TULP4: variants seen among roughly 807,000 people sequenced by gnomAD.
TULP4 encodes TUB like protein 4.
A neutral mutation model predicts 129.0 loss-of-function variants in TULP4; 16 were observed. The ratio of observed to expected loss-of-function variants is 0.12; its 90% confidence interval spans 0.08 to 0.19. The LOEUF is 0.19. Ranked by LOEUF, TULP4 falls within the 10% of genes least tolerant of loss-of-function variation. TULP4 has a pLI of 1.00. For missense variants in TULP4, 1,842 were observed against 2,059.1 expected, an observed-to-expected ratio of 0.89 and a Z score of 2.04; for synonymous variants, 998 against 854.0, an observed-to-expected ratio of 1.17 and a Z score of -2.94.
In TULP4 at chr6:158,318,473, T is replaced by C. The variant is rs1452048277; in HGVS notation, c.252+4205T>C. On this transcript the variant is annotated intron_variant, in intron 1 of 13. Coordinates refer to ENST00000367097, the MANE Select transcript of TULP4 (RefSeq NM_020245.5). ...CCAGTGCCTGACGTGGTTTCAGACA[T>C]CTTACCTCATGTTGTTTACAGCAGA... 2.0e-5 allele frequency among the ~76,000 whole-genome samples: 3 copies of C among 152,216 alleles called. No homozygotes were observed. The East Asian group carries it at 5.8e-4, about 29-fold the overall frequency.
chr6:158,238,123 T>C, intron 1 of TULP4: 2 of 740,634 alleles, frequency 2.7e-6, no homozygotes, highest in South Asian at 2.8e-5. Context: ...ATGCCTGGTT[T>C]CTGCTTTAAC....
intron 1 of TULP4, among the ~76,000 whole-genome samples, chr6:158,315,374 C>T (rs938941040): frequency 2.6e-4 from 39 of 152,112 alleles, no homozygotes; most frequent in Non-Finnish European, 5.1e-4. Flanking sequence ...GCTCCATTCT[C>T]ATGACTTAAT....
intron 3 of TULP4, among the ~76,000 whole-genome samples, chr6:158,432,096 GA>G (rs762591940): frequency 4.1e-3 from 438 of 105,670 alleles, no homozygotes; most frequent in Middle Eastern, 0.021. Flanking sequence ...CCCCATCTCT[GA>G]AAAAAAAAAA....
chr6:158,476,895 C>A (rs180931251), intron 6 of TULP4, among the ~76,000 whole-genome samples: 152 of 152,278 alleles, frequency 1.0e-3, no homozygotes, highest in African/African-American at 3.5e-3. Context: ...TAAGGACCAG[C>A]AGTGGAGCTG....
chr6:158,289,574 GTTGTT>G (rs982379470), intron 1 of TULP4, among the ~76,000 whole-genome samples: 1 of 151,938 alleles, frequency 6.6e-6, no homozygotes, highest in African/African-American at 2.4e-5. Context: ...AGTTGTTGTT[GTTGTT>G]TTGTTTTGTT....
chr6:158,239,634 G>A (rs1412561548), intron 1 of TULP4, among the ~76,000 whole-genome samples: 2 of 70,194 alleles, frequency 2.8e-5, no homozygotes, highest in Admixed American at 1.4e-4. Context: ...TGGCCGGGTG[G>A]GGGGCTGACC....
chr6:158,272,266 T>C (rs914373726), intron 1 of TULP4, among the ~76,000 whole-genome samples: 9 of 152,228 alleles, frequency 5.9e-5, no homozygotes, highest in African/African-American at 2.2e-4. Context: ...CCAATGTTTT[T>C]ATCATCAGAT....
upstream of TULP4, among the ~76,000 whole-genome samples, chr6:158,308,735 G>T (rs1273333636): frequency 6.8e-6 from 1 of 146,184 alleles, no homozygotes; most frequent in Non-Finnish European, 1.5e-5. Context: ...CCTCCTGGAC[G>T]GGGCGGCTGG....
Position 158,502,086 on chromosome 6 carries a change from C to A in TULP4, c.2423C>A (p.Thr808Lys). ...LQKSAKALRP[T>K]PQLAAEGDAV... Reference sequence around the variant, plus strand: ...AAGTCAGCCAAGGCCCTGCGGCCAACACCGCAGCTGGCAGCTGAGGGGGAC... The same window carrying A: ...AAGTCAGCCAAGGCCCTGCGGCCAAAACCGCAGCTGGCAGCTGAGGGGGAC... Residue 808 changes from threonine (T) to lysine (K), a missense_variant, in exon 13 of 14, where the codon ACA (threonine) becomes AAA (lysine). This residue lies in a region of TULP4 where 1,089 missense variants were observed against 987.1 expected (regional missense o/e 1.10). Coordinates refer to ENST00000367097, the MANE Select transcript of TULP4 (RefSeq NM_020245.5). 1.2e-6 allele frequency: 2 copies of A among 1,611,988 alleles called. No homozygotes were observed. The highest frequency in any genetic ancestry group is 1.7e-6 in the Non-Finnish European group (2 of 1,178,996).
rs925056453 is a variant in TULP4, at chr6:158,451,786, T to C, written c.725-348T>C. Among the ~76,000 whole-genome samples the C allele has an allele frequency of 3.0e-4, 46 of 152,248 alleles. 1 individual carries two copies. The highest frequency in any genetic ancestry group is 3.0e-3 in the Admixed American group (46 of 15,278). The stretch of plus-strand genomic sequence containing the variant: ...TATCCCTCCTCCTACCATCCTTGGA[T>C]GTTGTATGACATTAAAATAATTTAT... On this transcript the variant is annotated intron_variant, in intron 4 of 13. Transcript: ENST00000367097.
At chr6:158,414,410 G>C (rs1364598306) in intron 2 of TULP4, among the ~76,000 whole-genome samples, 1 of 152,230 alleles carries the variant, frequency 6.6e-6, no homozygotes, top group Non-Finnish European at 1.5e-5. Flanking sequence ...GGAGATACTT[G>C]CCTGTGCCTC....
intron 6 of TULP4, among the ~76,000 whole-genome samples, chr6:158,473,500 G>A (rs1030072890): frequency 2.1e-4 from 32 of 152,182 alleles, no homozygotes; most frequent in African/African-American, 6.8e-4. Context: ...GACGGTGACC[G>A]ATCACCAACT....
chr6:158,461,368 G>T (rs1481993152), intron 5 of TULP4, among the ~76,000 whole-genome samples, 195 bp from the exon 6 acceptor site: 6 of 149,854 alleles, frequency 4.0e-5, no homozygotes, highest in Admixed American at 1.3e-4. Flanking sequence ...CCGAGATCAC[G>T]CCATTGCACT....
chr6:158,367,679 G>A (rs1042863646), intron 1 of TULP4, among the ~76,000 whole-genome samples: 14 of 152,124 alleles, frequency 9.2e-5, no homozygotes, highest in Non-Finnish European at 2.9e-5. Flanking sequence ...GAAATTCTGA[G>A]GAAGAATGAA....
chr6:158,394,415 C>A (rs1436555281), intron 1 of TULP4, among the ~76,000 whole-genome samples: 1 of 151,860 alleles, frequency 6.6e-6, no homozygotes, highest in Non-Finnish European at 1.5e-5. Context: ...TCCACATTTT[C>A]AGGTATCTTC....
chr6:158,425,452 G>A (rs1352546282), intron 2 of TULP4, among the ~76,000 whole-genome samples: 4 of 144,326 alleles, frequency 2.8e-5, no homozygotes, highest in Non-Finnish European at 6.0e-5. Flanking sequence ...GGTGGAGGTT[G>A]TGGTGAGCTG....
intron 1 of TULP4, among the ~76,000 whole-genome samples, chr6:158,314,837 T>C (rs529293720): frequency 2.1e-4 from 32 of 152,362 alleles, no homozygotes; most frequent in Non-Finnish European, 2.6e-4. Flanking sequence ...TATATTATAT[T>C]GAGGCTATTA....
At chr6:158,353,847 A>G (rs753509047) in intron 1 of TULP4, among the ~76,000 whole-genome samples, 6 of 152,258 alleles carry the variant, frequency 3.9e-5, no homozygotes, top group Non-Finnish European at 7.3e-5. Flanking sequence ...AAATATTTTA[A>G]ATAGACTTAG....
rs547528213 is a variant in TULP4, at chr6:158,413,292, G to A, written c.381+99G>A. ...GTGCGTTAGCACCACACAGCGCCAC[G>A]TGCTCCAGAGCTGGGGGAAGAGAAA... On this transcript the variant is annotated intron_variant, in intron 2 of 13. Transcript: ENST00000367097. This position sits in a 1 kb window ranked among gnomAD's most constrained non-coding sequence, Gnocchi z 4.9. The A allele has an allele frequency of 1.7e-5, 23 of 1,348,672 alleles. No homozygotes were observed. In the South Asian group the frequency reaches 2.5e-4, roughly 15 times the overall value. 83.5% of individuals were successfully genotyped at this position (1,348,672 alleles called of 1,614,324 possible).
Sources: gnomAD v4.1 joint callset for allele counts (sites outside exome capture counted in the v4.1 genomes callset) on GRCh38, gnomAD v4.1.1 for gene constraint, gnomAD v4.1.1 regional missense constraint, Gnocchi (gnomAD v3.1) non-coding constraint, MANE v1.5 for transcripts, NCBI Gene and HGNC (gene_info 2026-07-23, HGNC 2026-07-21) for gene names.